The following PCDHGB3 variants were observed in gnomAD, a reference collection of about 807,000 sequenced individuals.
PCDHGB3 encodes protocadherin gamma-B3.
PCDHGB3 carries 40 observed loss-of-function variants against 59.2 expected under a neutral mutation model. That is an observed-to-expected ratio of 0.68 (90% CI 0.52 to 0.88). PCDHGB3 has a LOEUF of 0.88. PCDHGB3 is among the 40% of genes least tolerant of loss of function. The pLI is 0.00. For synonymous variants in PCDHGB3, 581 were observed against 503.6 expected (o/e 1.15, Z -2.06); for missense variants, 1,309 against 1,187.9 (o/e 1.10, Z -1.50).
chr5:141,403,592 G>A (rs779516418), intron 1 of PCDHGB3: 1 of 1,613,850 alleles, frequency 6.2e-7, no homozygotes, highest in Non-Finnish European at 8.5e-7. Flanking sequence ...GGTCCTCACG[G>A]CCTCGGATGG....
In PCDHGB3 at chr5:141,487,406, C is replaced by T; in HGVS notation, c.2416-7401C>T. The T allele has an allele frequency of 6.2e-7, 1 of 1,614,200 alleles. No individual in the cohort carries two copies. The highest frequency in any genetic ancestry group is 8.5e-7 in the Non-Finnish European group (1 of 1,180,044). ...ATCTCGAAGGAGGGAGGGGCTTCCC[C>T]CTTCCAATGGGATCCTCCGAATCCA... On this transcript the variant is annotated intron_variant, in intron 1 of 3. Coordinates refer to ENST00000576222, the MANE Select transcript of PCDHGB3 (RefSeq NM_018924.5). The surrounding 1 kb of genome is among the most constrained non-coding windows in gnomAD (Gnocchi z 5.0).
Position 141,486,344 on chromosome 5 carries a change from G to C in PCDHGB3, c.2416-8463G>C. 6.2e-7 allele frequency: 1 copy of C among 1,614,062 alleles called. No homozygotes were observed. The highest frequency in any genetic ancestry group is 8.5e-7 in the Non-Finnish European group (1 of 1,180,022). On this transcript the variant is annotated intron_variant, in intron 1 of 3. Transcript: ENST00000576222. The surrounding 1 kb of genome is among the most constrained non-coding windows in gnomAD (Gnocchi z 5.0). Reference sequence around the variant, plus strand: ...CGGAGATGTGAGCCTCCGCATTCCTGACCACTTGCCATTTGCCCTCAAGTC... The same window carrying C: ...CGGAGATGTGAGCCTCCGCATTCCTCACCACTTGCCATTTGCCCTCAAGTC...
intron 1 of PCDHGB3, chr5:141,419,105 C>G: frequency 6.2e-7 from 1 of 1,613,918 alleles, no homozygotes; most frequent in Non-Finnish European, 8.5e-7. Context: ...GGAGCAGACC[C>G]CAGAGTACAA....
rs534823543 is a variant in PCDHGB3, at chr5:141,383,535, C to T, written c.2415+10726C>T. ...AAGAGCGGGTTCACCACCTGGTCCT[C>T]ACAGCCTCTGATGGCGGCGACCCGC... On this transcript the variant is annotated intron_variant, in intron 1 of 3. Transcript: ENST00000576222. The T allele has an allele frequency of 1.9e-5, 31 of 1,612,472 alleles. No individual in the cohort carries two copies. The African/African-American group carries it at 3.7e-4, about 19-fold the overall frequency.
intron 1 of PCDHGB3, among the ~76,000 whole-genome samples, chr5:141,397,434 A>G (rs1343347268): frequency 1.3e-5 from 2 of 152,238 alleles, no homozygotes; most frequent in African/African-American, 4.8e-5. Context: ...TTTCCCTAAT[A>G]TGTGTAATAT....
chr5:141,470,748 A>C (rs1163686396), intron 1 of PCDHGB3, among the ~76,000 whole-genome samples: 1 of 152,106 alleles, frequency 6.6e-6, no homozygotes. Flanking sequence ...CCCTGGCTGG[A>C]GTGCAGTGGA....
In PCDHGB3 at chr5:141,432,929, C is replaced by T. The variant is rs759937939; in HGVS notation, c.2415+60120C>T. On this transcript the variant is annotated intron_variant, in intron 1 of 3. Coordinates refer to ENST00000576222, the MANE Select transcript of PCDHGB3 (RefSeq NM_018924.5). This position sits in a 1 kb window ranked among gnomAD's most constrained non-coding sequence, Gnocchi z 6.0. ...GCTGCGGCGCTGGCACAAGTCACGCCTGCTGCAGGCTTCAGGAGGCGGCTT... is the reference window on the plus strand; with the variant it reads ...GCTGCGGCGCTGGCACAAGTCACGCTTGCTGCAGGCTTCAGGAGGCGGCTT... The T allele has an allele frequency of 6.2e-7, 1 of 1,614,078 alleles. No individual in the cohort carries two copies. Among genetic ancestry groups the T allele is most frequent in the African/African-American group, 1.3e-5 (1 of 74,948 alleles).
At chr5:141,410,004 ACGCCTGGCTGTC>A in intron 1 of PCDHGB3, 1 of 1,613,154 alleles carries the variant, frequency 6.2e-7, no homozygotes, top group Non-Finnish European at 8.5e-7. Flanking sequence ...TCGGGACACA[ACGCCTGGCTGTC>A]CTACCACGTG....
At chr5:141,389,089 T>G in intron 1 of PCDHGB3, 1 of 1,613,978 alleles carries the variant, frequency 6.2e-7, no homozygotes, top group East Asian at 2.2e-5. Flanking sequence ...ACGTATAAAT[T>G]AGTGACAGAT....
intron 1 of PCDHGB3, chr5:141,409,463 A>G (rs751200597): frequency 1.2e-6 from 2 of 1,613,744 alleles, no homozygotes; most frequent in Non-Finnish European, 1.7e-6. Context: ...ATACAATGTC[A>G]CCATCGTAGC....
chr5:141,491,379 A>G lies in PCDHGB3; in HGVS notation c.2416-3428A>G, dbSNP rs140150079. 423 of 1,613,968 alleles carry G rather than the reference A, an allele frequency of 2.6e-4. No homozygotes were observed. Among genetic ancestry groups the G allele is most frequent in the Non-Finnish European group, 3.0e-4 (359 of 1,179,986 alleles). On this transcript the variant is annotated intron_variant, in intron 1 of 3. Transcript: ENST00000576222. The surrounding 1 kb of genome is among the most constrained non-coding windows in gnomAD (Gnocchi z 6.9). ...CCCTAGTCACCTTCACCTTTCTGTC[A>G]GCGAAGTGCCTTCAGGGAAACGCAG...
chr5:141,400,147 C>T lies in PCDHGB3; in HGVS notation c.2415+27338C>T, dbSNP rs751998425. ...GGAGGTGCTGCCGGATATCACTGAC[C>T]GCCCTGTACCCTCTGACCCCCAGGC... On this transcript the variant is annotated intron_variant, in intron 1 of 3. Coordinates refer to ENST00000576222, the MANE Select transcript of PCDHGB3 (RefSeq NM_018924.5). 3.7e-6 allele frequency: 6 copies of T among 1,614,074 alleles called. No homozygotes were observed. In the East Asian group the frequency reaches 1.1e-4, roughly 30 times the overall value.
intron 1 of PCDHGB3, chr5:141,387,903 G>A: frequency 6.6e-7 from 1 of 1,506,982 alleles, no homozygotes; most frequent in African/African-American, 1.4e-5. Context: ...CGGCGCCGGG[G>A]AGCTGGGCCG....
chr5:141,471,964 T>C lies in PCDHGB3; in HGVS notation c.2416-22843T>C, dbSNP rs138170906. Among the ~76,000 whole-genome samples, 591 of 152,278 alleles carry C rather than the reference T, an allele frequency of 3.9e-3. 6 individuals are homozygous for C. Among genetic ancestry groups the C allele is most frequent in the Admixed American group, 0.011 (171 of 15,292 alleles). On this transcript the variant is annotated intron_variant, in intron 1 of 3. Transcript: ENST00000576222. ...TCTAAAACTGGATTGTGGGGTTGGT[T>C]GCATTACTGTATAAATTTATTAAAA...
At position 141,476,090 on chromosome 5, in the gene PCDHGB3, C is replaced by T; in HGVS notation, c.2416-18717C>T. On this transcript the variant is annotated intron_variant, in intron 1 of 3. Coordinates refer to ENST00000576222, the MANE Select transcript of PCDHGB3 (RefSeq NM_018924.5). The surrounding 1 kb of genome is among the most constrained non-coding windows in gnomAD (Gnocchi z 7.6). ...GAAATCTCAGGGACGATCTGGACCC[C>T]GCTGAGAGGAACTGCTTTTGAGTGA... 3 of 1,562,222 alleles carry T rather than the reference C, an allele frequency of 1.9e-6. No individual in the cohort carries two copies. Among genetic ancestry groups the T allele is most frequent in the African/African-American group, 1.4e-5 (1 of 73,764 alleles).
intron 2 of PCDHGB3, among the ~76,000 whole-genome samples, chr5:141,498,882 G>A (rs1287566657): frequency 6.8e-6 from 1 of 147,420 alleles, no homozygotes; most frequent in African/African-American, 2.5e-5. Context: ...GCAGTGAGCT[G>A]AGATCACACC....
At chr5:141,500,315 G>C (rs944076867) in intron 2 of PCDHGB3, among the ~76,000 whole-genome samples, 41 of 151,522 alleles carry the variant, frequency 2.7e-4, no homozygotes, top group African/African-American at 9.5e-4. Flanking sequence ...TTCACGCCAT[G>C]CTCCTGCCTC....
At position 141,431,367 on chromosome 5, in the gene PCDHGB3, A is replaced by G; in HGVS notation, c.2415+58558A>G. 1.2e-6 allele frequency: 2 copies of G among 1,613,984 alleles called. No homozygotes were observed. The highest frequency in any genetic ancestry group is 2.2e-5 in the South Asian group (2 of 91,084). On this transcript the variant is annotated intron_variant, in intron 1 of 3. Coordinates refer to ENST00000576222, the MANE Select transcript of PCDHGB3 (RefSeq NM_018924.5). This position sits in a 1 kb window ranked among gnomAD's most constrained non-coding sequence, Gnocchi z 4.8. ...GTGCTGAAACGCGCCCTGGACCGCGAAGAAAAGGCTGCTCACCACCTGGTC... is the reference window on the plus strand; with the variant it reads ...GTGCTGAAACGCGCCCTGGACCGCGGAGAAAAGGCTGCTCACCACCTGGTC...
rs919375073 is a variant in PCDHGB3 at position 141,490,642 on chromosome 5, C to A, written c.2416-4165C>A. On this transcript the variant is annotated intron_variant, in intron 1 of 3. Coordinates refer to ENST00000576222, the MANE Select transcript of PCDHGB3 (RefSeq NM_018924.5). This position sits in a 1 kb window ranked among gnomAD's most constrained non-coding sequence, Gnocchi z 5.4. ...CACTGCTTACATCCTAGAAAACCGG[C>A]CTCCGGGCTCCCTTCTTTGCACTGT... 4.3e-6 allele frequency: 7 copies of A among 1,614,102 alleles called. No individual in the cohort carries two copies. In the African/African-American group the frequency reaches 6.7e-5, roughly 15 times the overall value.
Sources: allele counts gnomAD v4.1 joint callset (sites outside exome capture counted in the v4.1 genomes callset), GRCh38; gene constraint gnomAD v4.1.1; non-coding constraint Gnocchi (gnomAD v3.1); transcripts MANE v1.5; gene names NCBI Gene and HGNC (gene_info 2026-07-23, HGNC 2026-07-21).